SMAD9: variants seen among roughly 807,000 people sequenced by gnomAD.
SMAD9 encodes MAD homolog 9.
A neutral mutation model predicts 46.1 loss-of-function variants in SMAD9; 36 were observed. That is an observed-to-expected ratio of 0.78 (90% CI 0.60 to 1.03). The LOEUF is 1.03. SMAD9 is among the 50% of genes least tolerant of loss of function. SMAD9 has a pLI of 0.00. For synonymous variants in SMAD9, 245 were observed against 237.1 expected, an observed-to-expected ratio of 1.03 and a Z score of -0.31; for missense variants, 572 against 599.8, an observed-to-expected ratio of 0.95 and a Z score of 0.48.
At chr13:36,884,831 C>A (rs779341987) in intron 1 of SMAD9, among the ~76,000 whole-genome samples, 23 of 152,178 alleles carry the variant, frequency 1.5e-4, no homozygotes, top group Non-Finnish European at 2.4e-4. Context: ...GCACATGGAA[C>A]CTTTGAGCAA....
At position 36,879,471 on chromosome 13, in the gene SMAD9, G is replaced by C; in HGVS notation, c.219C>G (p.Arg73=). The change falls in exon 2 of 7, where the codon CGC becomes CGG. Residue 73 remains arginine, a synonymous_variant. Transcript: ENST00000379826. ...GQPSKCVTIP[R]SLDGRLQVSH... is the part of the protein sequence containing the mutation. ...ACACCTGCAGCCGCCCGTCCAGGGA[G>C]CGGGGAATCGTGACGCATTTGCTGG... 6.2e-7 allele frequency: 1 copy of C among 1,613,862 alleles called. No individual in the cohort carries two copies. The highest frequency in any genetic ancestry group is 8.5e-7 in the Non-Finnish European group (1 of 1,179,998).
intron 5 of SMAD9, among the ~76,000 whole-genome samples, chr13:36,863,428 C>G (rs536429972): frequency 1.1e-3 from 171 of 152,356 alleles, no homozygotes; most frequent in Non-Finnish European, 1.9e-3. Flanking sequence ...GTTTGCAGAA[C>G]AGGTCATCAG....
chr13:36,873,776 T>A (rs2058319507), intron 2 of SMAD9, among the ~76,000 whole-genome samples: 1 of 152,062 alleles, frequency 6.6e-6, no homozygotes, highest in Admixed American at 6.6e-5. Context: ...GGCAGGAGAA[T>A]CGCTTGAATC....
At chr13:36,901,807 A>G (rs979383415) in intron 1 of SMAD9, among the ~76,000 whole-genome samples, 1 of 152,164 alleles carries the variant, frequency 6.6e-6, no homozygotes, top group African/African-American at 2.4e-5. Context: ...TCTTCTTTGG[A>G]AAAATATCTA....
intron 5 of SMAD9, 30 bp from the exon 6 acceptor site, chr13:36,853,705 AC>A (rs748666527): frequency 1.6e-5 from 26 of 1,612,500 alleles, no homozygotes; most frequent in Non-Finnish European, 1.1e-5. Context: ...GCCTTCCTTC[AC>A]ATGCCCTTTC....
intron 1 of SMAD9, among the ~76,000 whole-genome samples, chr13:36,914,426 G>A (rs2058683562): frequency 6.6e-6 from 1 of 152,158 alleles, no homozygotes; most frequent in Non-Finnish European, 1.5e-5. Flanking sequence ...GGCTGAAGCG[G>A]GAGAATGGCA....
At chr13:36,880,538 C>G (rs572360659) in intron 1 of SMAD9, among the ~76,000 whole-genome samples, 10 of 152,336 alleles carry the variant, frequency 6.6e-5, no homozygotes, top group Admixed American at 5.2e-4. Flanking sequence ...CCATTCTTAA[C>G]ATAGTCTTCC....
intron 5 of SMAD9, among the ~76,000 whole-genome samples, chr13:36,859,508 T>C (rs965244953): frequency 2.0e-5 from 3 of 152,182 alleles, no homozygotes; most frequent in African/African-American, 4.8e-5. Context: ...AAAACCAAGA[T>C]GGCGATGAGA....
chr13:36,879,540 T>G lies in SMAD9; in HGVS notation c.150A>C (p.Gly50=). The G allele has an allele frequency of 2.5e-6, 4 of 1,614,188 alleles. No homozygotes were observed. Among genetic ancestry groups the G allele is most frequent in the Non-Finnish European group, 3.4e-6 (4 of 1,180,036 alleles). Residue 50 remains glycine (G), a synonymous_variant, in exon 2 of 7, where the codon GGA becomes GGC. Transcript: ENST00000379826. The part of the protein sequence containing the change: ...SLVKKLKKKK[G]AMDELERALS... The stretch of plus-strand genomic sequence containing the variant: ...GAGCCCTCTCCAGCTCGTCCATGGC[T>G]CCCTTCTTCTTCTTTAACTTCTTCA...
At chr13:36,879,176 T>C in intron 2 of SMAD9, 102 bp downstream of exon 2, 1 of 1,063,976 alleles carries the variant, frequency 9.4e-7, no homozygotes, top group Non-Finnish European at 1.4e-6. Context: ...CTCTCTCTCT[T>C]TTGGGAGAGG....
chr13:36,859,434 T>C (rs868398753), intron 5 of SMAD9, among the ~76,000 whole-genome samples: 5 of 152,040 alleles, frequency 3.3e-5, no homozygotes, highest in South Asian at 4.2e-4. Context: ...ATGAGATAGG[T>C]TGGCACAAGA....
intron 1 of SMAD9, among the ~76,000 whole-genome samples, chr13:36,917,527 C>A (rs754576475): frequency 5.9e-5 from 9 of 152,150 alleles, no homozygotes; most frequent in African/African-American, 1.9e-4. Flanking sequence ...GCTATATTTA[C>A]TGTTTCATTC....
chr13:36,871,499 CA>C (rs1208381829), intron 3 of SMAD9, among the ~76,000 whole-genome samples: 2 of 151,590 alleles, frequency 1.3e-5, no homozygotes, highest in African/African-American at 4.9e-5. Flanking sequence ...ACCTGGGTGA[CA>C]GAGCAAGACT....
chr13:36,872,044 G>A (rs570503251), intron 3 of SMAD9, among the ~76,000 whole-genome samples: 53 of 152,200 alleles, frequency 3.5e-4, no homozygotes, highest in Admixed American at 1.9e-3. Flanking sequence ...CACTTTACAG[G>A]TATGGTAGCA....
chr13:36,877,145 T>C (rs1376879694), intron 2 of SMAD9, among the ~76,000 whole-genome samples: 2 of 152,050 alleles, frequency 1.3e-5, no homozygotes, highest in Admixed American at 6.6e-5. Flanking sequence ...AGGTGGATCA[T>C]GAGGTCAAGA....
chr13:36,902,891 G>C (rs1004171416), intron 1 of SMAD9, among the ~76,000 whole-genome samples: 1 of 152,178 alleles, frequency 6.6e-6, no homozygotes, highest in Admixed American at 6.5e-5. Flanking sequence ...CTAGCACCTA[G>C]AATAGAGCCT....
chr13:36,878,481 C>T (rs1317500276), intron 2 of SMAD9, among the ~76,000 whole-genome samples: 1 of 152,152 alleles, frequency 6.6e-6, no homozygotes, highest in East Asian at 1.9e-4. Flanking sequence ...TGTGTAAGTA[C>T]ACTCCAGGGT....
chr13:36,853,103 G>T (rs1177403050), intron 6 of SMAD9, among the ~76,000 whole-genome samples: 1 of 152,102 alleles, frequency 6.6e-6, no homozygotes, highest in Non-Finnish European at 1.5e-5. Flanking sequence ...TGGCCAATAT[G>T]GTGAAACCCT....
intron 1 of SMAD9, among the ~76,000 whole-genome samples, chr13:36,894,249 T>G (rs981941563): frequency 9.2e-5 from 14 of 152,262 alleles, no homozygotes; most frequent in South Asian, 2.1e-4. Context: ...TGGTGAGAGA[T>G]AATTGAATCA....
Sources: gnomAD v4.1 joint callset for allele counts (sites outside exome capture counted in the v4.1 genomes callset) on GRCh38, gnomAD v4.1.1 for gene constraint, MANE v1.5 for transcripts, NCBI Gene and HGNC (gene_info 2026-07-23, HGNC 2026-07-21) for gene names.